The following CLOCK variants were observed in gnomAD, a reference collection of about 807,000 sequenced individuals.
CLOCK encodes clock circadian regulator.
A neutral mutation model predicts 118.4 loss-of-function variants in CLOCK; 43 were observed. The ratio of observed to expected loss-of-function variants is 0.36; its 90% CI spans 0.28 to 0.47. CLOCK has a LOEUF of 0.47. Among genes scored for constraint, CLOCK ranks in the 20% least tolerant of loss-of-function variants. CLOCK has a pLI of 1.00. For missense variants in CLOCK, 846 were observed against 999.9 expected (o/e 0.85, Z 2.08); for synonymous variants, 326 against 339.2 (o/e 0.96, Z 0.43).
At chr4:55,498,661 T>A (rs1156261924) in intron 2 of CLOCK, among the ~76,000 whole-genome samples, 1 of 151,918 alleles carries the variant, frequency 6.6e-6, no homozygotes, top group Non-Finnish European at 1.5e-5. Context: ...TACCCTAAAA[T>A]GACAAGGTGT....
chr4:55,543,933 A>G (rs1307863503), intron 1 of CLOCK, among the ~76,000 whole-genome samples: 1 of 152,200 alleles, frequency 6.6e-6, no homozygotes, highest in Non-Finnish European at 1.5e-5. Flanking sequence ...CCTACAAAAT[A>G]AAAAGGAATA....
Position 55,428,837 on chromosome 4 carries a change from C to T in CLOCK, c.*6578G>A, listed in dbSNP as rs1054940584. On this transcript the variant is annotated 3_prime_UTR_variant, in exon 23 of 23. Coordinates refer to ENST00000513440, the MANE Select transcript of CLOCK (RefSeq NM_004898.4). ...GGTTTCAATACAGCACTGAATTTAA[C>T]TCATCTTTGGGCTTCAATCTTTACA... is the stretch of plus-strand genomic sequence containing the variant. 2.7e-5 allele frequency: 4 copies of T among 149,042 alleles called. No individual in the cohort carries two copies. The highest frequency in any genetic ancestry group is 7.4e-5 in the African/African-American group (3 of 40,382). The allele number at this position is 149,042 out of a possible 1,614,324, so 9.2% of individuals were successfully genotyped here. A position where few individuals can be genotyped will look rare whatever the true frequency, so the allele number is the denominator to read the frequency against.
chr4:55,513,170 T>TA (rs1420312903), intron 1 of CLOCK, among the ~76,000 whole-genome samples: 2 of 152,158 alleles, frequency 1.3e-5, no homozygotes, highest in African/African-American at 4.8e-5. Flanking sequence ...GTACTCTATA[T>TA]AAAGTATACC....
chr4:55,466,251 G>GGCTCAGCA (rs915372559), intron 8 of CLOCK, among the ~76,000 whole-genome samples: 2 of 152,036 alleles, frequency 1.3e-5, no homozygotes, highest in African/African-American at 4.8e-5. Context: ...TTCCCCTTTT[G>GGCTCAGCA]GCTCAGCACT....
At position 55,527,043 on chromosome 4, in the gene CLOCK, T is replaced by A. The variant is rs114145403; in HGVS notation, c.-289-16978A>T. On this transcript the variant is annotated intron_variant, in intron 1 of 22. Coordinates refer to ENST00000513440, the MANE Select transcript of CLOCK (RefSeq NM_004898.4). The stretch of plus-strand genomic sequence containing the variant: ...GCTTCACATCCAATTTCCAGTTACA[T>A]GAATACAAGAAAGTAATAAGTAAAA... Among the ~76,000 whole-genome samples, 1,245 of 146,016 alleles carry A rather than the reference T, an allele frequency of 8.5e-3. 20 individuals are homozygous for A. The highest frequency in any genetic ancestry group is 0.03 in the African/African-American group (1,186 of 39,622).
At chr4:55,522,388 G>A (rs550237031) in intron 1 of CLOCK, among the ~76,000 whole-genome samples, 12 of 151,266 alleles carry the variant, frequency 7.9e-5, no homozygotes, top group African/African-American at 2.4e-4. Flanking sequence ...GACAAACCAC[G>A]GACTGAGAAA....
chr4:55,510,446 G>A (rs1456054512), intron 1 of CLOCK, among the ~76,000 whole-genome samples: 1 of 152,002 alleles, frequency 6.6e-6, no homozygotes, highest in Non-Finnish European at 1.5e-5. Context: ...GGCCAACATG[G>A]TGAAACCTCG....
intron 1 of CLOCK, chr4:55,545,866 CG>C (rs1259197433): frequency 2.0e-5 from 3 of 152,288 alleles, no homozygotes; most frequent in Admixed American, 2.0e-4. Flanking sequence ...CGCGGGTGGA[CG>C]GAAGAAGAGA....
rs35414558 is a variant in CLOCK, at chr4:55,504,283, C to CAAAAA, written c.-136+5624_-136+5628dup. Reference sequence around the variant, plus strand: ...CCTGGGCGACACAGCGAGACTCCATCAAAAAAAAAAAAAAAAAAAAAAAAC... The same window carrying CAAAAA: ...CCTGGGCGACACAGCGAGACTCCATCAAAAAAAAAAAAAAAAAAAAAAAAAAAAAC... On this transcript the variant is annotated intron_variant, in intron 2 of 22. Coordinates refer to ENST00000513440, the MANE Select transcript of CLOCK (RefSeq NM_004898.4). 8.4e-3 allele frequency among the ~76,000 whole-genome samples: 434 copies of CAAAAA among 51,642 alleles called. 3 individuals are homozygous for CAAAAA. The highest frequency in any genetic ancestry group is 9.6e-3 in the Non-Finnish European group (270 of 28,254). 33.9% of individuals were successfully genotyped at this position (51,642 alleles called of 152,430 possible).
chr4:55,539,696 T>C (rs1487062417), intron 1 of CLOCK, among the ~76,000 whole-genome samples: 3 of 151,476 alleles, frequency 2.0e-5, no homozygotes, highest in South Asian at 2.1e-4. Flanking sequence ...GAAGTGACAG[T>C]ATTATTATCC....
At chr4:55,543,806 C>T (rs1731437499) in intron 1 of CLOCK, among the ~76,000 whole-genome samples, 1 of 151,928 alleles carries the variant, frequency 6.6e-6, no homozygotes, top group African/African-American at 2.4e-5. Context: ...AATGTAATTC[C>T]ATTTTTAAAA....
intron 9 of CLOCK, 49 bp downstream of exon 9, chr4:55,463,636 T>C: frequency 1.2e-6 from 2 of 1,600,460 alleles, no homozygotes; most frequent in African/African-American, 1.3e-5. Flanking sequence ...AAAAGGATAG[T>C]GCTACTGAAT....
At chr4:55,463,926 A>T (rs73236143) in intron 8 of CLOCK, 121 bp from the exon 9 acceptor site, 5 of 981,932 alleles carry the variant, frequency 5.1e-6, no homozygotes, top group Non-Finnish European at 7.4e-6. Context: ...AAACCAACAA[A>T]TGTCAAGTTA....
chr4:55,459,318 A>G, intron 9 of CLOCK, 57 bp from the exon 10 acceptor site: 1 of 982,446 alleles, frequency 1.0e-6, no homozygotes, highest in South Asian at 1.3e-5. Flanking sequence ...AATGATTGAT[A>G]TACCACATAA....
chr4:55,528,901 C>T (rs1006068414), intron 1 of CLOCK, among the ~76,000 whole-genome samples: 1 of 152,218 alleles, frequency 6.6e-6, no homozygotes, highest in Non-Finnish European at 1.5e-5. Context: ...AGCCTAAAAA[C>T]AGGTTCCCTG....
At chr4:55,524,845 T>C (rs1295923835) in intron 1 of CLOCK, among the ~76,000 whole-genome samples, 3 of 152,152 alleles carry the variant, frequency 2.0e-5, no homozygotes, top group East Asian at 1.9e-4. Flanking sequence ...CTGTTTCTAA[T>C]GAAAGCTGAA....
intron 1 of CLOCK, among the ~76,000 whole-genome samples, chr4:55,534,049 A>AT (rs1730724032): frequency 6.6e-6 from 1 of 152,240 alleles, no homozygotes; most frequent in Non-Finnish European, 1.5e-5. Context: ...ACATTAATGT[A>AT]TAAAGAACCC....
At chr4:55,534,114 C>T (rs946430887) in intron 1 of CLOCK, among the ~76,000 whole-genome samples, 1 of 152,084 alleles carries the variant, frequency 6.6e-6, no homozygotes, top group African/African-American at 2.4e-5. Flanking sequence ...GCTTGTACTA[C>T]CCTATGATTA....
chr4:55,429,404 A>C lies in CLOCK; in HGVS notation c.*6011T>G, dbSNP rs1722372870. 1 of 152,158 alleles carries C rather than the reference A, an allele frequency of 6.6e-6. No individual in the cohort carries two copies. The highest frequency in any genetic ancestry group is 6.5e-5 in the Admixed American group (1 of 15,278). 9.4% of individuals were successfully genotyped at this position (152,158 alleles called of 1,614,324 possible). On this transcript the variant is annotated 3_prime_UTR_variant, in exon 23 of 23. Transcript: ENST00000513440. Reference sequence around the variant, plus strand: ...GATTCTGTTCCAATGCTTGTGAGCAAGAAGGATCCTCAAATGTCTAGGTTT... The same window carrying C: ...GATTCTGTTCCAATGCTTGTGAGCACGAAGGATCCTCAAATGTCTAGGTTT...
Sources: allele counts gnomAD v4.1 joint callset (sites outside exome capture counted in the v4.1 genomes callset), GRCh38; gene constraint gnomAD v4.1.1; transcripts MANE v1.5; gene names NCBI Gene and HGNC (gene_info 2026-07-23, HGNC 2026-07-21).